Variants in CPEB3 observed in about 807,000 individuals in gnomAD.
CPEB3 encodes the protein cytoplasmic polyadenylation element binding protein 3.
CPEB3 carries 20 observed loss-of-function variants against 67.2 expected under a neutral mutation model. That is an observed-to-expected ratio of 0.30 (90% CI 0.21 to 0.43). CPEB3 has a LOEUF of 0.43. Among genes scored for constraint, CPEB3 ranks in the 20% least tolerant of loss-of-function variants. The probability of loss-of-function intolerance (pLI) is 1.00; values close to 1 mark genes in which losing one functional copy is unlikely to be tolerated. For missense variants in CPEB3, 746 were observed against 968.6 expected, an observed-to-expected ratio of 0.77 and a Z score of 3.05; for synonymous variants, 376 against 393.1, an observed-to-expected ratio of 0.96 and a Z score of 0.51.
chr10:92,052,254 C>T lies in CPEB3; in HGVS notation c.2055G>A (p.Glu685=). 1 of 1,614,140 alleles carries T rather than the reference C, an allele frequency of 6.2e-7. No individual in the cohort carries two copies. Among genetic ancestry groups the T allele is most frequent in the Non-Finnish European group, 8.5e-7 (1 of 1,180,016 alleles). The part of the protein sequence containing the change: ...GREFHKPLVK[E]GGDRPRHVPF... ...GGACGTGACGAGGGCGGTCGCCTCC[C>T]TCCTTCACCAGCGGTTTGTGGAACT... The change falls in exon 10 of 10, where the codon GAG becomes GAA. Residue 685 remains glutamate, a synonymous_variant. Coordinates refer to ENST00000265997, the MANE Select transcript of CPEB3 (RefSeq NM_014912.5).
At chr10:92,176,184 T>C (rs1237499144) in intron 4 of CPEB3, among the ~76,000 whole-genome samples, 2 of 152,248 alleles carry the variant, frequency 1.3e-5, no homozygotes, top group East Asian at 3.8e-4. Flanking sequence ...CAATGTGAGA[T>C]AAACTTATAT....
chr10:92,090,796 T>G (rs1843583831), intron 8 of CPEB3, among the ~76,000 whole-genome samples: 1 of 152,196 alleles, frequency 6.6e-6, no homozygotes, highest in Non-Finnish European at 1.5e-5. Context: ...AATTAGCCCT[T>G]CTTAGACTTT....
intron 2 of CPEB3, among the ~76,000 whole-genome samples, chr10:92,223,567 C>CTTTTT (rs903904452): frequency 2.0e-4 from 17 of 84,148 alleles, no homozygotes; most frequent in South Asian, 4.2e-4. Context: ...CTAATTATTT[C>CTTTTT]TTTTTTTTTT....
At chr10:92,135,009 T>C (rs1157227560) in intron 6 of CPEB3, among the ~76,000 whole-genome samples, 3 of 152,070 alleles carry the variant, frequency 2.0e-5, no homozygotes, top group Non-Finnish European at 4.4e-5. Flanking sequence ...ATACAAAAAT[T>C]AATTCAAGAT....
intron 2 of CPEB3, among the ~76,000 whole-genome samples, chr10:92,224,586 T>C (rs1408793268): frequency 6.6e-6 from 1 of 151,772 alleles, no homozygotes; most frequent in Non-Finnish European, 1.5e-5. Context: ...ACAACAACCC[T>C]GGCTGAGCAT....
intron 4 of CPEB3, among the ~76,000 whole-genome samples, chr10:92,176,039 C>T (rs1390202251): frequency 1.3e-5 from 2 of 151,712 alleles, no homozygotes; most frequent in Non-Finnish European, 2.9e-5. Context: ...TGCAATGAGC[C>T]GAGATTACAC....
At chr10:92,143,173 A>C in intron 5 of CPEB3, 55 bp from the exon 6 acceptor site, 3 of 1,326,586 alleles carry the variant, frequency 2.3e-6, no homozygotes, top group Non-Finnish European at 3.2e-6. Context: ...GCAATCAGAA[A>C]ACCAGAAGAG....
intron 9 of CPEB3, among the ~76,000 whole-genome samples, chr10:92,076,576 T>A (rs1842942286): frequency 6.6e-6 from 1 of 152,014 alleles, no homozygotes; most frequent in East Asian, 1.9e-4. Context: ...CTTGGCTAAT[T>A]TAAAAAAACT....
At position 92,201,033 on chromosome 10, in the gene CPEB3, T is replaced by C. The variant is rs185908732; in HGVS notation, c.1006-8397A>G. Among the ~76,000 whole-genome samples the C allele has an allele frequency of 2.7e-3, 406 of 152,282 alleles. 1 individual carries two copies. The highest frequency in any genetic ancestry group is 5.0e-3 in the Non-Finnish European group (341 of 68,030). ...ATTGCTGACTGTGGTAAACAGTTCATAGTTAAGTACATATGCAATTTAAAA... is the reference window on the plus strand; with the variant it reads ...ATTGCTGACTGTGGTAAACAGTTCACAGTTAAGTACATATGCAATTTAAAA... On this transcript the variant is annotated intron_variant, in intron 2 of 9. Transcript: ENST00000265997.
intron 6 of CPEB3, among the ~76,000 whole-genome samples, chr10:92,136,717 C>T (rs972071940): frequency 1.2e-4 from 19 of 152,058 alleles, no homozygotes; most frequent in East Asian, 1.9e-4. Flanking sequence ...TGGGCTACCA[C>T]GCCCAGCTAA....
chr10:92,287,906 G>A (rs1483021003), intron 1 of CPEB3, among the ~76,000 whole-genome samples: 1 of 152,060 alleles, frequency 6.6e-6, no homozygotes, highest in Non-Finnish European at 1.5e-5. Flanking sequence ...TCAGCCCTAT[G>A]CAATCACTAG....
At chr10:92,287,263 G>C (rs1177855353) in intron 1 of CPEB3, among the ~76,000 whole-genome samples, 2 of 151,958 alleles carry the variant, frequency 1.3e-5, no homozygotes, top group Non-Finnish European at 2.9e-5. Flanking sequence ...TGAGTAGCTG[G>C]GACTACAGGT....
chr10:92,157,610 C>T (rs150926798), intron 4 of CPEB3, among the ~76,000 whole-genome samples: 3 of 152,152 alleles, frequency 2.0e-5, no homozygotes, highest in Admixed American at 6.6e-5. Flanking sequence ...CATTTACTTC[C>T]GGGGTAAATC....
At position 92,239,394 on chromosome 10, in the gene CPEB3, C is replaced by T. The variant is rs1263062477; in HGVS notation, c.957G>A (p.Glu319=). 1.2e-6 allele frequency: 2 copies of T among 1,605,850 alleles called. No individual in the cohort carries two copies. Among genetic ancestry groups the T allele is most frequent in the Non-Finnish European group, 8.5e-7 (1 of 1,176,180 alleles). The change falls in exon 2 of 10, where the codon GAG becomes GAA. Residue 319 remains glutamate, a synonymous_variant. Transcript: ENST00000265997. This position sits in a 1 kb window ranked among gnomAD's most constrained non-coding sequence, Gnocchi z 6.0. ...AAPLTSKSWM[E]DNAFRTDNGN... The stretch of plus-strand genomic sequence containing the variant: ...CATTATCGGTCCGGAAAGCGTTATC[C>T]TCCATCCAGGACTTGGAAGTGAGAG...
chr10:92,192,529 G>A lies in CPEB3; in HGVS notation c.1113C>T (p.Pro371=), dbSNP rs950017063. Residue 371 remains proline, a synonymous_variant, in exon 3 of 10, where the codon CCC becomes CCT. Coordinates refer to ENST00000265997, the MANE Select transcript of CPEB3 (RefSeq NM_014912.5). ...HEPLKGKHYP[P]SGPPMSFADI... is the part of the protein sequence containing the mutation. Reference sequence around the variant, plus strand: ...CAGCGAAACTCATTGGTGGGCCACTGGGAGGGTAGTGTTTACCTTTCAGAG... The same window carrying A: ...CAGCGAAACTCATTGGTGGGCCACTAGGAGGGTAGTGTTTACCTTTCAGAG... 3 of 1,613,838 alleles carry A rather than the reference G, an allele frequency of 1.9e-6. No individual in the cohort carries two copies. Among genetic ancestry groups the A allele is most frequent in the Non-Finnish European group, 2.5e-6 (3 of 1,179,894 alleles).
At chr10:92,118,268 A>G (rs1013349779) in intron 6 of CPEB3, among the ~76,000 whole-genome samples, 11 of 152,060 alleles carry the variant, frequency 7.2e-5, no homozygotes, top group Admixed American at 2.6e-4. Flanking sequence ...AGTAGCTGGG[A>G]TTACAGGCAT....
At chr10:92,161,532 C>T (rs1162199353) in intron 4 of CPEB3, among the ~76,000 whole-genome samples, 1 of 152,056 alleles carries the variant, frequency 6.6e-6, no homozygotes, top group East Asian at 1.9e-4. Flanking sequence ...GTTGGCCTCC[C>T]AAAGTATTGG....
rs2134222357 is a variant in CPEB3 at position 92,047,139 on chromosome 10, C to T, written c.*5073G>A. On this transcript the variant is annotated 3_prime_UTR_variant, in exon 10 of 10. Transcript: ENST00000265997. The stretch of plus-strand genomic sequence containing the variant: ...TGTCGTCATACAAATTTAAACATCC[C>T]CTAATCATGTAGCCACTTCTTGACC... The T allele has an allele frequency of 6.6e-6, 1 of 152,226 alleles. No individual in the cohort carries two copies. The highest frequency in any genetic ancestry group is 1.9e-4 in the East Asian group (1 of 5,190). The allele number at this position is 152,226 out of a possible 1,614,324, so 9.4% of individuals were successfully genotyped here.
At chr10:92,258,161 A>G (rs564840394) in intron 1 of CPEB3, among the ~76,000 whole-genome samples, 3 of 150,302 alleles carry the variant, frequency 2.0e-5, no homozygotes, top group African/African-American at 4.9e-5. Context: ...GCAATGGTGT[A>G]CCATCTCGGC....
Sources: gnomAD v4.1 joint callset for allele counts (sites outside exome capture counted in the v4.1 genomes callset) on GRCh38, gnomAD v4.1.1 for gene constraint, Gnocchi (gnomAD v3.1) non-coding constraint, MANE v1.5 for transcripts, NCBI Gene and HGNC (gene_info 2026-07-23, HGNC 2026-07-21) for gene names.